Variants in EMID1 observed in about 807,000 individuals in gnomAD.
EMID1 encodes the protein EMI domain-containing protein 1.
EMID1 carries 40 observed loss-of-function variants against 60.6 expected under a neutral mutation model. The observed-to-expected ratio is 0.66, with a 90% CI of 0.51 to 0.86. The LOEUF (loss-of-function observed/expected upper bound fraction) is 0.86, where lower values mean the gene tolerates loss of function less well. Among genes scored for constraint, EMID1 ranks in the 40% least tolerant of loss-of-function variants. The pLI, the probability that EMID1 is intolerant of heterozygous loss-of-function variation, is 0.00. For missense variants in EMID1, 585 were observed against 597.1 expected, an observed-to-expected ratio of 0.98 and a Z score of 0.21; for synonymous variants, 242 against 231.0, an observed-to-expected ratio of 1.05 and a Z score of -0.43.
In EMID1 at chr22:29,232,405, G is replaced by A. The variant is rs371020814; in HGVS notation, c.823+3G>A. 7.7e-5 allele frequency: 120 copies of A among 1,566,648 alleles called. 1 individual carries two copies. The African/African-American group carries it at 1.6e-3, about 21-fold the overall frequency. The stretch of plus-strand genomic sequence containing the variant: ...CCATGCCCGGATCTCCCAGCATGGT[G>A]AGTCCCCCTGGGATCCCAGCAGGTG... On this transcript the variant is annotated splice_donor_region_variant and intron_variant, in intron 8 of 14. Coordinates refer to ENST00000334018, the MANE Select transcript of EMID1 (RefSeq NM_133455.4).
chr22:29,256,617 G>GT (rs2041716971), intron 14 of EMID1, among the ~76,000 whole-genome samples: 1 of 152,174 alleles, frequency 6.6e-6, no homozygotes, highest in Non-Finnish European at 1.5e-5. Context: ...GTACAGATAG[G>GT]TGCTGGCCTT....
At chr22:29,212,532 G>A (rs2039930029) in intron 1 of EMID1, among the ~76,000 whole-genome samples, 2 of 151,238 alleles carry the variant, frequency 1.3e-5, no homozygotes, top group South Asian at 4.2e-4. Context: ...GGCACGTCCT[G>A]GACCCCAGAG....
Position 29,259,227 on chromosome 22 carries a change from G to C in EMID1, c.*283G>C, listed in dbSNP as rs898544481. The C allele has an allele frequency of 2.3e-6, 1 of 443,814 alleles. No homozygotes were observed. The highest frequency in any genetic ancestry group is 4.0e-6 in the Non-Finnish European group (1 of 251,960). The allele number at this position is 443,814 out of a possible 1,614,324, so 27.5% of individuals were successfully genotyped here. A position where few individuals can be genotyped will look rare whatever the true frequency, so the allele number is the denominator to read the frequency against. The stretch of plus-strand genomic sequence containing the variant: ...GGTACAAGGCTTCGTCTCATCTGCT[G>C]TCTGAGCATCCAGGCCCAAAGGCAC... On this transcript the variant is annotated 3_prime_UTR_variant, in exon 15 of 15. Transcript: ENST00000334018.
intron 10 of EMID1, 196 bp downstream of exon 10, chr22:29,233,862 A>G (rs1184726184): frequency 8.8e-6 from 6 of 683,300 alleles, no homozygotes; most frequent in Non-Finnish European, 1.2e-5. Flanking sequence ...ATTCAATCCA[A>G]GTAATGAGAA....
rs147118853 is a variant in EMID1 at position 29,215,030 on chromosome 22, C to T, written c.206C>T (p.Pro69Leu). ...AACTGCCCCTGGCCCATGAGCTGTCCGGGGAGCAGGTAAATGAGGTGGAGA... is the reference window on the plus strand; with the variant it reads ...AACTGCCCCTGGCCCATGAGCTGTCTGGGGAGCAGGTAAATGAGGTGGAGA... ...LQNCPWPMSC[P>L]GSSYRTVVRP... Residue 69 changes from proline (P) to leucine (L), a missense_variant, in exon 2 of 15, where the codon CCG becomes CTG. Pro to Leu is a moderately conservative substitution (Grantham distance 98). Coordinates refer to ENST00000334018, the MANE Select transcript of EMID1 (RefSeq NM_133455.4). The T allele has an allele frequency of 7.9e-5, 121 of 1,537,444 alleles. No individual in the cohort carries two copies. The Middle Eastern group carries it at 1.2e-3, about 15-fold the overall frequency.
chr22:29,256,107 C>T (rs1033655808), intron 14 of EMID1, among the ~76,000 whole-genome samples: 2 of 152,140 alleles, frequency 1.3e-5, no homozygotes, highest in South Asian at 2.1e-4. Context: ...TGCCCAGCCG[C>T]CCTATCTCGC....
intron 14 of EMID1, among the ~76,000 whole-genome samples, chr22:29,257,415 G>A (rs779143128): frequency 6.6e-5 from 10 of 152,190 alleles, no homozygotes; most frequent in Non-Finnish European, 1.2e-4. Context: ...CTAGGTGAGC[G>A]ATGCCGTGGC....
chr22:29,210,640 C>T (rs1421705156), intron 1 of EMID1, among the ~76,000 whole-genome samples: 1 of 152,172 alleles, frequency 6.6e-6, no homozygotes, highest in African/African-American at 2.4e-5. Context: ...TGAAACGATC[C>T]TCATCTCAGC....
chr22:29,206,053 G>A lies in EMID1; in HGVS notation c.15G>A (p.Arg5=). The change falls in exon 1 of 15, where the codon CGG becomes CGA. Residue 5 remains arginine (R), a synonymous_variant. Coordinates refer to ENST00000334018, the MANE Select transcript of EMID1 (RefSeq NM_133455.4). ...CCTGGTGCAGCATGGGCGGCCCGCG[G>A]GCTTGGGCGCTGCTCTGCCTCGGGC... MGGP[R]AWALLCLGLL... is the part of the protein sequence containing the mutation. 5 of 1,228,690 alleles carry A rather than the reference G, an allele frequency of 4.1e-6. No individual in the cohort carries two copies. The highest frequency in any genetic ancestry group is 4.1e-6 in the Non-Finnish European group (4 of 986,046). 76.1% of individuals were successfully genotyped at this position (1,228,690 alleles called of 1,614,324 possible).
intron 12 of EMID1, among the ~76,000 whole-genome samples, chr22:29,241,787 CCAAA>C (rs2041162514): frequency 7.9e-6 from 1 of 125,980 alleles, no homozygotes; most frequent in Non-Finnish European, 1.9e-5. Flanking sequence ...CAACATTTCC[CCAAA>C]CATTTTTTTC....
intron 1 of EMID1, among the ~76,000 whole-genome samples, chr22:29,206,736 C>T (rs941480519): frequency 2.0e-5 from 3 of 152,108 alleles, no homozygotes; most frequent in African/African-American, 7.2e-5. Flanking sequence ...TACGGAGGAG[C>T]TCCCAGAACC....
chr22:29,235,880 C>T (rs897464213), intron 12 of EMID1, among the ~76,000 whole-genome samples: 1 of 148,178 alleles, frequency 6.7e-6, no homozygotes, highest in African/African-American at 2.5e-5. Context: ...GCCCCAACCT[C>T]CCTGGCTCAG....
intron 12 of EMID1, among the ~76,000 whole-genome samples, chr22:29,242,027 C>T (rs1004519034): frequency 6.6e-6 from 1 of 152,178 alleles, no homozygotes; most frequent in Non-Finnish European, 1.5e-5. Flanking sequence ...CCTCCCACCT[C>T]AGCCTCCTGA....
At chr22:29,208,134 C>T (rs1389361227) in intron 1 of EMID1, among the ~76,000 whole-genome samples, 1 of 152,182 alleles carries the variant, frequency 6.6e-6, no homozygotes, top group African/African-American at 2.4e-5. Context: ...AGTCTGTGGG[C>T]TACCAGAACC....
intron 3 of EMID1, among the ~76,000 whole-genome samples, chr22:29,223,624 C>T (rs934514052): frequency 6.6e-6 from 1 of 152,238 alleles, no homozygotes; most frequent in African/African-American, 2.4e-5. Context: ...TGGGACTGTC[C>T]CGTGGACAAC....
intron 3 of EMID1, among the ~76,000 whole-genome samples, chr22:29,222,131 G>C (rs779454078): frequency 6.6e-6 from 1 of 151,982 alleles, no homozygotes; most frequent in Non-Finnish European, 1.5e-5. Flanking sequence ...TTTAGATAGG[G>C]TCTCACTCTT....
At chr22:29,224,473 C>A (rs1446929827) in intron 3 of EMID1, among the ~76,000 whole-genome samples, 1 of 152,180 alleles carries the variant, frequency 6.6e-6, no homozygotes, top group African/African-American at 2.4e-5. Context: ...GAGGGGGGTT[C>A]TCCTCCGGTA....
At chr22:29,226,453 C>T (rs751113778) in intron 4 of EMID1, 37 bp from the exon 5 acceptor site, 4 of 1,607,012 alleles carry the variant, frequency 2.5e-6, no homozygotes, top group Non-Finnish European at 3.4e-6. Flanking sequence ...AAGCCTAGGA[C>T]CCTTGGCCCT....
In EMID1 at chr22:29,215,551, A is replaced by T; in HGVS notation, c.240A>T (p.Thr80=). The change falls in exon 3 of 15, where the codon ACA becomes ACT. Residue 80 remains threonine, a synonymous_variant. Coordinates refer to ENST00000334018, the MANE Select transcript of EMID1 (RefSeq NM_133455.4). ...GCTACAGAACTGTGGTGAGACCCAC[A>T]TACAAGGTGATGTACAAGATAGTGA... ...GSSYRTVVRP[T]YKVMYKIVTA... 6.2e-7 allele frequency: 1 copy of T among 1,614,104 alleles called. No individual in the cohort carries two copies. The highest frequency in any genetic ancestry group is 8.5e-7 in the Non-Finnish European group (1 of 1,179,970).
Sources: allele counts gnomAD v4.1 joint callset (sites outside exome capture counted in the v4.1 genomes callset), GRCh38; gene constraint gnomAD v4.1.1; transcripts MANE v1.5; gene names NCBI Gene and HGNC (gene_info 2026-07-23, HGNC 2026-07-21).